The following LRBA variants were observed in gnomAD, a reference collection of about 807,000 sequenced individuals.
LRBA encodes LPS responsive beige-like anchor protein.
Under a neutral mutation model 330.0 loss-of-function variants are expected in LRBA, and 176 were observed. That is an observed-to-expected ratio of 0.53 (90% CI 0.47 to 0.60). LRBA has a LOEUF of 0.60. LRBA is among the 20% of genes least tolerant of loss of function. LRBA has a pLI of 0.00. For missense variants in LRBA, 3,259 were observed against 3,444.8 expected (o/e 0.95, Z 1.35); for synonymous variants, 1,230 against 1,193.0 (o/e 1.03, Z -0.64).
chr4:150,469,168 C>A (rs1018839496), intron 43 of LRBA, among the ~76,000 whole-genome samples: 1 of 151,920 alleles, frequency 6.6e-6, no homozygotes, highest in Non-Finnish European at 1.5e-5. Flanking sequence ...GAGTATGGAC[C>A]TGCTCAGTGA....
chr4:150,748,623 C>T (rs955461930), intron 35 of LRBA, among the ~76,000 whole-genome samples: 2 of 150,076 alleles, frequency 1.3e-5, no homozygotes, highest in East Asian at 3.9e-4. Context: ...GCTGAGATCA[C>T]ACCATTGCAC....
rs1434838664 is a variant in LRBA, at chr4:150,583,394, A to C, written c.6330+4654T>G. ...GTCGAGTTCATCACGGCGTCGGGCTATCTCTCAGCGCGTAAGATCCGCTCG... is the reference window on the plus strand; with the variant it reads ...GTCGAGTTCATCACGGCGTCGGGCTCTCTCTCAGCGCGTAAGATCCGCTCG... On this transcript the variant is annotated intron_variant, in intron 40 of 56. Coordinates refer to ENST00000651943, the MANE Select transcript of LRBA (RefSeq NM_001364905.1). The surrounding 1 kb of genome is among the most constrained non-coding windows in gnomAD (Gnocchi z 9.8). 3 of 1,613,926 alleles carry C rather than the reference A, an allele frequency of 1.9e-6. No individual in the cohort carries two copies. Among genetic ancestry groups the C allele is most frequent in the Non-Finnish European group, 2.5e-6 (3 of 1,180,040 alleles).
intron 2 of LRBA, among the ~76,000 whole-genome samples, chr4:150,942,999 T>TC (rs1735847990): frequency 6.6e-6 from 1 of 152,184 alleles, no homozygotes; most frequent in Non-Finnish European, 1.5e-5. Context: ...TTTATTTAAA[T>TC]CCCCAAACAT....
At position 150,499,597 on chromosome 4, in the gene LRBA, T is replaced by TG. The variant is rs1760000599; in HGVS notation, c.6331-8563dup. ...GTTTGAGGCTGCAGTGAGCTATGAC[T>TG]GCACCACTGTACTTCAGGTTGGGCA... On this transcript the variant is annotated intron_variant, in intron 40 of 56. Coordinates refer to ENST00000651943, the MANE Select transcript of LRBA (RefSeq NM_001364905.1). Among the ~76,000 whole-genome samples the TG allele has an allele frequency of 7.9e-5, 12 of 151,976 alleles. No homozygotes were observed. In the South Asian group the frequency reaches 2.5e-3, roughly 32 times the overall value.
chr4:150,906,118 T>A, intron 12 of LRBA, 128 bp from the exon 13 acceptor site: 1 of 862,044 alleles, frequency 1.2e-6, no homozygotes, highest in Non-Finnish European at 1.8e-6. Context: ...TGAAGCTCAC[T>A]ATCACATTTG....
At chr4:150,282,804 TCTC>T (rs1747701607) in intron 54 of LRBA, among the ~76,000 whole-genome samples, 158 bp from the exon 55 acceptor site, 1 of 152,152 alleles carries the variant, frequency 6.6e-6, no homozygotes, top group South Asian at 2.1e-4. Flanking sequence ...TTTTGCAAAA[TCTC>T]CTCTTCATGT....
intron 37 of LRBA, among the ~76,000 whole-genome samples, chr4:150,658,390 TTATTAGA>T (rs1343382340): frequency 6.6e-6 from 1 of 150,782 alleles, no homozygotes; most frequent in Non-Finnish European, 1.5e-5. Flanking sequence ...AAATCTTTCC[TTATTAGA>T]TAAATATGCC....
intron 35 of LRBA, among the ~76,000 whole-genome samples, chr4:150,741,526 A>G (rs1312006954): frequency 6.6e-6 from 1 of 152,216 alleles, no homozygotes; most frequent in Non-Finnish European, 1.5e-5. Flanking sequence ...AAAGATGTGA[A>G]GTAACAGGGA....
At chr4:150,266,011 G>A (rs370714385) in intron 56 of LRBA, among the ~76,000 whole-genome samples, 199 bp from the exon 57 acceptor site, 1 of 152,294 alleles carries the variant, frequency 6.6e-6, no homozygotes, top group South Asian at 2.1e-4. Context: ...CACTCCACAA[G>A]GATCCAAGCC....
At chr4:150,747,912 T>C (rs1732973091) in intron 35 of LRBA, among the ~76,000 whole-genome samples, 1 of 152,186 alleles carries the variant, frequency 6.6e-6, no homozygotes, top group Non-Finnish European at 1.5e-5. Context: ...TATTTCAGAC[T>C]CACAGGGCCA....
chr4:150,717,649 G>C (rs1449430532), intron 36 of LRBA, among the ~76,000 whole-genome samples: 1 of 74,776 alleles, frequency 1.3e-5, no homozygotes, highest in Non-Finnish European at 3.5e-5. Flanking sequence ...GACATAGTGA[G>C]ACTCTGTCTC....
At chr4:150,723,235 G>C (rs539935576) in intron 36 of LRBA, among the ~76,000 whole-genome samples, 5 of 152,308 alleles carry the variant, frequency 3.3e-5, no homozygotes, top group Non-Finnish European at 4.4e-5. Context: ...GGCTAAGGAA[G>C]TGCTTGCATT....
At chr4:150,711,046 C>A (rs540176847) in intron 36 of LRBA, among the ~76,000 whole-genome samples, 9 of 151,682 alleles carry the variant, frequency 5.9e-5, no homozygotes, top group Non-Finnish European at 1.2e-4. Context: ...TAAAAGAAAG[C>A]TACATCAAAA....
chr4:150,692,430 C>T (rs1784223569), intron 36 of LRBA, among the ~76,000 whole-genome samples: 2 of 151,962 alleles, frequency 1.3e-5, no homozygotes, highest in South Asian at 2.1e-4. Context: ...ATGTTGCCCA[C>T]GCTGGTCTCA....
rs144681706 is a variant in LRBA, at chr4:150,867,174, T to C, written c.2766+497A>G. Among the ~76,000 whole-genome samples the C allele has an allele frequency of 1.1e-3, 174 of 151,664 alleles. 1 individual carries two copies. Among genetic ancestry groups the C allele is most frequent in the African/African-American group, 4.1e-3 (170 of 41,346 alleles). ...CCCAGTTTTTAGCTACCTGTAAGAT[T>C]AGCACAGGGCAGACATCACCCAGAG... On this transcript the variant is annotated intron_variant, in intron 22 of 56. Coordinates refer to ENST00000651943, the MANE Select transcript of LRBA (RefSeq NM_001364905.1).
intron 37 of LRBA, among the ~76,000 whole-genome samples, chr4:150,654,375 G>T (rs1779978552): frequency 1.3e-5 from 2 of 152,024 alleles, no homozygotes; most frequent in African/African-American, 4.8e-5. Context: ...TTTTAGTAGA[G>T]ATGGGGCTTC....
At chr4:151,013,978 A>G (rs1204364240) in intron 2 of LRBA, 1 of 153,626 alleles carries the variant, frequency 6.5e-6, no homozygotes, top group African/African-American at 2.4e-5. Flanking sequence ...ATCTTGCATC[A>G]GCACTACAAA....
At chr4:150,490,824 ACTAT>A in intron 41 of LRBA, 90 bp downstream of exon 41, 1 of 614,716 alleles carries the variant, frequency 1.6e-6, no homozygotes, top group Non-Finnish European at 2.7e-6. Flanking sequence ...GCTACAAATA[ACTAT>A]CTAAATTGAA....
At chr4:150,417,961 T>C (rs895346837) in intron 46 of LRBA, among the ~76,000 whole-genome samples, 4 of 152,000 alleles carry the variant, frequency 2.6e-5, no homozygotes, top group African/African-American at 4.8e-5. Flanking sequence ...ACTCAACAAA[T>C]TGACAAAAAA....
Sources: gnomAD v4.1 joint callset for allele counts (sites outside exome capture counted in the v4.1 genomes callset) on GRCh38, gnomAD v4.1.1 for gene constraint, Gnocchi (gnomAD v3.1) non-coding constraint, MANE v1.5 for transcripts, NCBI Gene and HGNC (gene_info 2026-07-23, HGNC 2026-07-21) for gene names.